Variants in USH2A observed in about 807,000 individuals in gnomAD.
USH2A encodes the protein usherin.
Under a neutral mutation model 538.9 loss-of-function variants are expected in USH2A, and 443 were observed. The ratio of observed to expected loss-of-function variants is 0.82; its 90% CI spans 0.76 to 0.89. USH2A has a LOEUF of 0.89. Ranked by LOEUF, USH2A falls within the 40% of genes least tolerant of loss-of-function variation. The probability of loss-of-function intolerance (pLI) is 0.00; values close to 1 mark genes in which losing one functional copy is unlikely to be tolerated. For missense variants in USH2A, 6,633 were observed against 6,324.8 expected (o/e 1.05, Z -1.65); for synonymous variants, 2,413 against 2,273.5 (o/e 1.06, Z -1.75).
rs1210226713 is a variant in USH2A, at chr1:216,246,698, A to C, written c.2696T>G (p.Met899Arg). The C allele has an allele frequency of 6.2e-7, 1 of 1,614,106 alleles. No homozygotes were observed. Among genetic ancestry groups the C allele is most frequent in the Non-Finnish European group, 8.5e-7 (1 of 1,179,974 alleles). Residue 899 changes from methionine (M) to arginine (R), a missense_variant, in exon 13 of 72, where the codon ATG (methionine) becomes AGG (arginine). Transcript: ENST00000307340. Reference sequence around the variant, plus strand: ...TGTCCCCAAGGAATCACACTCACACATCTGGCAGTGTTGAAAATTGTCAAT... The same window carrying C: ...TGTCCCCAAGGAATCACACTCACACCTCTGGCAGTGTTGAAAATTGTCAAT... ...LTIDNFQHCQ[M>R]CECDSLGTLP...
At chr1:215,665,748 G>A (rs11120594) in intron 64 of USH2A, among the ~76,000 whole-genome samples, 39,569 of 152,096 alleles carry the variant, frequency 0.26, 6,160 homozygotes, top group South Asian at 0.47. Flanking sequence ...TTTTGAAAGG[G>A]TTGAAGATAG....
chr1:216,114,628 T>G (rs2032959262), intron 21 of USH2A, among the ~76,000 whole-genome samples: 1 of 152,112 alleles, frequency 6.6e-6, no homozygotes, highest in Non-Finnish European at 1.5e-5. Flanking sequence ...TTTAGGAAAC[T>G]TTAGGCTAAA....
At chr1:215,663,167 G>A (rs1218803446) in intron 64 of USH2A, among the ~76,000 whole-genome samples, 3 of 152,128 alleles carry the variant, frequency 2.0e-5, no homozygotes, top group Admixed American at 6.5e-5. Context: ...TTTTATCAAT[G>A]ACTTGTTGAT....
intron 3 of USH2A, among the ~76,000 whole-genome samples, chr1:216,386,517 AAAC>A (rs1308353160): frequency 1.9e-5 from 2 of 105,096 alleles, no homozygotes; most frequent in Non-Finnish European, 4.0e-5. Context: ...ACAAACAAAC[AAAC>A]AAAAAACAAA....
chr1:216,031,484 C>A (rs959588085), intron 32 of USH2A, among the ~76,000 whole-genome samples: 1 of 152,174 alleles, frequency 6.6e-6, no homozygotes, highest in African/African-American at 2.4e-5. Context: ...ATGCGTTTCT[C>A]TCCTCTCCTC....
At chr1:216,257,155 C>T (rs915869851) in intron 11 of USH2A, among the ~76,000 whole-genome samples, 5 of 151,880 alleles carry the variant, frequency 3.3e-5, no homozygotes, top group African/African-American at 1.2e-4. Context: ...TCCATATTTC[C>T]ATATGATACC....
In USH2A at chr1:215,999,209, T is replaced by C. The variant is rs1476260277; in HGVS notation, c.6486-151A>G. On this transcript the variant is annotated intron_variant, in intron 33 of 71. Transcript: ENST00000307340. ...ATTCATTTAAAATAAAACACTGAAG[T>C]AGTTATCCAATGCCTATTCTGAGGG... The C allele has an allele frequency of 6.9e-6, 5 of 721,680 alleles. No homozygotes were observed. The Admixed American group carries it at 1.4e-4, about 20-fold the overall frequency. 44.7% of individuals were successfully genotyped at this position (721,680 alleles called of 1,614,324 possible). A position where few individuals can be genotyped will look rare whatever the true frequency, so the allele number is the denominator to read the frequency against.
Position 215,628,961 on chromosome 1 carries a change from C to A in USH2A, c.15372G>T (p.Leu5124=), listed in dbSNP as rs1656163525. 4 of 1,613,972 alleles carry A rather than the reference C, an allele frequency of 2.5e-6. No individual in the cohort carries two copies. Among genetic ancestry groups the A allele is most frequent in the Non-Finnish European group, 3.4e-6 (4 of 1,180,052 alleles). The change falls in exon 71 of 72, where the codon CTG becomes CTT. Residue 5124 remains leucine, a synonymous_variant. Transcript: ENST00000307340. ...SIRSNRSACV[L]RIPSQNQTSL... ...TGGTTTGGTTTTGACTCGGGATGCG[C>A]AGGACACATGCACTCCGGTTGCTGC...
rs187616068 is a variant in USH2A, at chr1:216,399,872, C to A, written c.651+18642G>T. Among the ~76,000 whole-genome samples, 4 of 152,144 alleles carry A rather than the reference C, an allele frequency of 2.6e-5. No homozygotes were observed. The East Asian group carries it at 5.8e-4, about 22-fold the overall frequency. ...TGCTGGATGATGTTGGCAGTGACAA[C>A]GGGGTGATGAATGAACATACACACC... On this transcript the variant is annotated intron_variant, in intron 3 of 71. Coordinates refer to ENST00000307340, the MANE Select transcript of USH2A (RefSeq NM_206933.4).
chr1:216,200,722 A>G (rs562712142), intron 16 of USH2A, among the ~76,000 whole-genome samples: 4 of 152,326 alleles, frequency 2.6e-5, no homozygotes, highest in African/African-American at 9.6e-5. Flanking sequence ...AGCAGCTACA[A>G]AGAGGTTTTT....
chr1:215,632,263 A>G (rs1287322940), intron 70 of USH2A, among the ~76,000 whole-genome samples: 1 of 152,016 alleles, frequency 6.6e-6, no homozygotes, highest in Non-Finnish European at 1.5e-5. Context: ...ATGGCAGATT[A>G]TTGAGTTTCT....
chr1:216,367,597 C>A (rs1487030040), intron 3 of USH2A, among the ~76,000 whole-genome samples: 31 of 152,126 alleles, frequency 2.0e-4, no homozygotes, highest in Non-Finnish European at 4.4e-5. Context: ...GCAGTGAATT[C>A]CAGAAGGATA....
intron 21 of USH2A, among the ~76,000 whole-genome samples, chr1:216,116,181 G>A (rs563048782): frequency 2.0e-5 from 3 of 151,844 alleles, no homozygotes; most frequent in South Asian, 4.2e-4. Context: ...TAAGATCCAG[G>A]TGCATGCATA....
intron 10 of USH2A, among the ~76,000 whole-genome samples, chr1:216,291,796 AGACATAAAG>A (rs1422423296): frequency 6.6e-6 from 1 of 152,236 alleles, no homozygotes; most frequent in Non-Finnish European, 1.5e-5. Flanking sequence ...ATGAGAATCC[AGACATAAAG>A]GACAATAAAG....
intron 64 of USH2A, among the ~76,000 whole-genome samples, chr1:215,662,520 A>G (rs1657472020): frequency 6.6e-6 from 1 of 152,220 alleles, no homozygotes; most frequent in South Asian, 2.1e-4. Flanking sequence ...GAATTAGAGC[A>G]TGCTCCTGAA....
At chr1:216,298,354 T>G (rs1026806207) in intron 9 of USH2A, among the ~76,000 whole-genome samples, 4 of 152,244 alleles carry the variant, frequency 2.6e-5, no homozygotes, top group African/African-American at 9.6e-5. Flanking sequence ...TTTTGCTTTT[T>G]GATTATAATC....
rs761263866 is a variant in USH2A, at chr1:215,671,026, G to A, written c.14079C>T (p.Ser4693=). The A allele has an allele frequency of 1.2e-6, 2 of 1,614,152 alleles. No homozygotes were observed. The highest frequency in any genetic ancestry group is 1.3e-5 in the African/African-American group (1 of 75,056). Residue 4693 remains serine, a synonymous_variant, in exon 64 of 72, where the codon AGC becomes AGT. Transcript: ENST00000307340. ...GTTCGGAATCTATAAAAGATGTTGA[G>A]CTTCCGTTATAGATTAGGACTGGAT... The part of the protein sequence containing the change: ...KSNPVLIYNG[S]STSFIDSELL...
chr1:215,733,882 T>C (rs1490150761), intron 60 of USH2A, among the ~76,000 whole-genome samples: 1 of 152,228 alleles, frequency 6.6e-6, no homozygotes, highest in Non-Finnish European at 1.5e-5. Context: ...CTCTCATATA[T>C]TGGAGTTGAA....
chr1:216,307,269 T>A (rs961259265), intron 9 of USH2A, among the ~76,000 whole-genome samples: 7 of 151,996 alleles, frequency 4.6e-5, no homozygotes, highest in African/African-American at 1.5e-4. Context: ...GGGGTGTGGT[T>A]CTCAGGGCGA....
Sources: allele counts gnomAD v4.1 joint callset (sites outside exome capture counted in the v4.1 genomes callset), GRCh38; gene constraint gnomAD v4.1.1; transcripts MANE v1.5; gene names NCBI Gene and HGNC (gene_info 2026-07-23, HGNC 2026-07-21).